RIC1: variants seen among roughly 807,000 people sequenced by gnomAD.
RIC1 encodes RIC1 partner of RAB6A GEF complex.
Under a neutral mutation model 169.0 loss-of-function variants are expected in RIC1, and 88 were observed. That is an observed-to-expected ratio of 0.52 (90% CI 0.44 to 0.62). RIC1 has a LOEUF of 0.62. Ranked by LOEUF, RIC1 falls within the 20% of genes least tolerant of loss-of-function variation. The pLI is 0.00. For synonymous variants in RIC1, 790 were observed against 601.5 expected (o/e 1.31, Z -4.59); for missense variants, 1,877 against 1,725.5 (o/e 1.09, Z -1.56).
At chr9:5,702,789 T>C (rs1338118140) in intron 3 of RIC1, among the ~76,000 whole-genome samples, 1 of 152,140 alleles carries the variant, frequency 6.6e-6, no homozygotes, top group Non-Finnish European at 1.5e-5. Flanking sequence ...TCAGGCATTC[T>C]GCCCGACTTG....
chr9:5,647,956 G>GTGGTGGTGGTGGTGGTGA (rs1401221204), intron 1 of RIC1, among the ~76,000 whole-genome samples: 4 of 130,250 alleles, frequency 3.1e-5, no homozygotes, highest in Admixed American at 1.5e-4. Flanking sequence ...GGTGGTGGTG[G>GTGGTGGTGGTGGTGGTGA]TGGTGGTGGT....
At chr9:5,690,433 C>G (rs1460807799) in intron 3 of RIC1, among the ~76,000 whole-genome samples, 1 of 151,956 alleles carries the variant, frequency 6.6e-6, no homozygotes, top group Non-Finnish European at 1.5e-5. Context: ...GTTATTACCT[C>G]TTGGTTTAAA....
chr9:5,728,090 C>T (rs199833623), intron 6 of RIC1, among the ~76,000 whole-genome samples: 6 of 152,214 alleles, frequency 3.9e-5, no homozygotes, highest in Admixed American at 6.5e-5. Context: ...GGGACATTTA[C>T]GTCTGCAGAA....
At chr9:5,636,156 T>G (rs1447950877) in intron 1 of RIC1, among the ~76,000 whole-genome samples, 2 of 152,324 alleles carry the variant, frequency 1.3e-5, no homozygotes, top group Middle Eastern at 3.4e-3. Flanking sequence ...GTAGGGACAT[T>G]TTAACAATAT....
At chr9:5,664,252 A>G (rs1393244433) in intron 2 of RIC1, among the ~76,000 whole-genome samples, 1 of 152,094 alleles carries the variant, frequency 6.6e-6, no homozygotes, top group Non-Finnish European at 1.5e-5. Flanking sequence ...TCTACTAAAA[A>G]TACAAAAATA....
At chr9:5,735,380 T>A (rs754586096) in intron 7 of RIC1, among the ~76,000 whole-genome samples, 7 of 152,166 alleles carry the variant, frequency 4.6e-5, no homozygotes, top group Non-Finnish European at 8.8e-5. Context: ...ATTTACTGCA[T>A]TTGGGGCCAG....
intron 7 of RIC1, among the ~76,000 whole-genome samples, chr9:5,737,602 G>GTGTGTGTATA (rs71326187): frequency 0.54 from 80,717 of 150,064 alleles, 22,175 homozygotes; most frequent in East Asian, 0.82. Context: ...ACACACACAT[G>GTGTGTGTATA]TTTTATATCT....
intron 3 of RIC1, among the ~76,000 whole-genome samples, chr9:5,711,598 T>G (rs865965477): frequency 6.6e-6 from 1 of 151,608 alleles, no homozygotes; most frequent in Non-Finnish European, 1.5e-5. Context: ...TATTATACTT[T>G]AAGTTCTAGG....
In RIC1 at chr9:5,667,504, C is replaced by CTTTTT. The variant is rs1171999345; in HGVS notation, c.252+10828_252+10832dup. On this transcript the variant is annotated intron_variant, in intron 2 of 25. Transcript: ENST00000414202. ...ATTTGAAATGTCCCTCCACCGCCAC[C>CTTTTT]TTTTTTTTTTTTTTTTTTGAGACAG... Among the ~76,000 whole-genome samples the CTTTTT allele has an allele frequency of 2.3e-5, 3 of 131,208 alleles. No individual in the cohort carries two copies. The East Asian group carries it at 6.3e-4, about 28-fold the overall frequency. 86.1% of individuals were successfully genotyped at this position (131,208 alleles called of 152,430 possible).
chr9:5,770,404 G>C, intron 23 of RIC1, 126 bp downstream of exon 23: 3 of 859,436 alleles, frequency 3.5e-6, no homozygotes, highest in Non-Finnish European at 5.2e-6. Context: ...GTATCCACTG[G>C]AGAGGTAGAA....
At chr9:5,632,377 A>G (rs994296493) in intron 1 of RIC1, among the ~76,000 whole-genome samples, 6 of 152,320 alleles carry the variant, frequency 3.9e-5, no homozygotes, top group African/African-American at 1.4e-4. Context: ...TCTTCTAATG[A>G]ACTTTTATGT....
At chr9:5,740,205 A>G (rs1824992263) in intron 8 of RIC1, among the ~76,000 whole-genome samples, 1 of 152,198 alleles carries the variant, frequency 6.6e-6, no homozygotes. Flanking sequence ...GCGTCTCACA[A>G]GCAATGAATC....
chr9:5,634,241 A>G (rs1477823795), intron 1 of RIC1, among the ~76,000 whole-genome samples: 2 of 152,184 alleles, frequency 1.3e-5, no homozygotes, highest in African/African-American at 4.8e-5. Flanking sequence ...ATTCCTTTGG[A>G]TATATACCTA....
intron 17 of RIC1, among the ~76,000 whole-genome samples, chr9:5,758,214 C>G (rs541758486): frequency 9.2e-5 from 14 of 152,230 alleles, no homozygotes; most frequent in African/African-American, 2.4e-4. Flanking sequence ...CCCGTAGTTT[C>G]TGGGTAAAGT....
chr9:5,674,501 T>G (rs545230097), intron 2 of RIC1, among the ~76,000 whole-genome samples: 2 of 152,040 alleles, frequency 1.3e-5, no homozygotes, highest in African/African-American at 4.8e-5. Flanking sequence ...TAATAAAAAC[T>G]CAGGACCCCA....
At chr9:5,734,171 A>G (rs974460042) in intron 7 of RIC1, among the ~76,000 whole-genome samples, 1 of 151,398 alleles carries the variant, frequency 6.6e-6, no homozygotes, top group African/African-American at 2.4e-5. Context: ...CAAGAGCGTG[A>G]TCTTGGCTCA....
intron 6 of RIC1, among the ~76,000 whole-genome samples, chr9:5,721,141 A>G (rs1279965365): frequency 6.6e-6 from 1 of 152,078 alleles, no homozygotes; most frequent in African/African-American, 2.4e-5. Flanking sequence ...CACCATACTT[A>G]TATTCTTCTC....
chr9:5,765,177 T>TA (rs1382837371), intron 19 of RIC1: 5 of 396,112 alleles, frequency 1.3e-5, no homozygotes, highest in Non-Finnish European at 2.2e-5. Context: ...TGAAATGACT[T>TA]AAAGTATATG....
chr9:5,761,302 CG>C (rs1301701261), intron 17 of RIC1, among the ~76,000 whole-genome samples: 2 of 151,526 alleles, frequency 1.3e-5, no homozygotes, highest in African/African-American at 2.4e-5. Flanking sequence ...TTAGTAGAGA[CG>C]GGGTTTCACC....
Sources: gnomAD v4.1 joint callset for allele counts (sites outside exome capture counted in the v4.1 genomes callset) on GRCh38, gnomAD v4.1.1 for gene constraint, MANE v1.5 for transcripts, NCBI Gene and HGNC (gene_info 2026-07-23, HGNC 2026-07-21) for gene names.